Variants in MAP7 observed in about 807,000 individuals in gnomAD.
MAP7 encodes microtubule associated protein 7, also known as ensconsin.
MAP7 carries 52 observed loss-of-function variants against 94.8 expected under a neutral mutation model. The ratio of observed to expected loss-of-function variants is 0.55; its 90% CI spans 0.44 to 0.69. The LOEUF is 0.69. MAP7 is among the 30% of genes least tolerant of loss of function. The probability of loss-of-function intolerance (pLI) is 0.00; values close to 1 mark genes in which losing one functional copy is unlikely to be tolerated. For missense variants in MAP7, 940 were observed against 964.6 expected, an observed-to-expected ratio of 0.97 and a Z score of 0.34; for synonymous variants, 350 against 357.0, an observed-to-expected ratio of 0.98 and a Z score of 0.22.
At chr6:136,369,663 G>C (rs1322584012) in intron 8 of MAP7, among the ~76,000 whole-genome samples, 1 of 152,024 alleles carries the variant, frequency 6.6e-6, no homozygotes, top group East Asian at 1.9e-4. Flanking sequence ...ACCACTCAAT[G>C]AAACAAGGAC....
At chr6:136,383,895 C>G in intron 5 of MAP7, 114 bp from the exon 6 acceptor site, 3 of 664,810 alleles carry the variant, frequency 4.5e-6, no homozygotes, top group Non-Finnish European at 8.0e-6. Flanking sequence ...ATTTCTAGAT[C>G]TGTCATAATA....
At chr6:136,531,256 G>A (rs1828458671) in intron 1 of MAP7, among the ~76,000 whole-genome samples, 1 of 144,918 alleles carries the variant, frequency 6.9e-6, no homozygotes, top group South Asian at 2.1e-4. Context: ...TCCAAATGAG[G>A]GAAAGAAATC....
chr6:136,410,969 G>A (rs1351190211), intron 3 of MAP7, among the ~76,000 whole-genome samples: 1 of 152,172 alleles, frequency 6.6e-6, no homozygotes, highest in East Asian at 1.9e-4. Context: ...AGAGTATCCT[G>A]TTTTAGCAAG....
intron 2 of MAP7, among the ~76,000 whole-genome samples, chr6:136,417,511 G>A (rs1389834043): frequency 3.9e-5 from 6 of 152,138 alleles, no homozygotes; most frequent in Admixed American, 3.3e-4. Flanking sequence ...AAATACTTCT[G>A]TATTTCTGTC....
intron 1 of MAP7, among the ~76,000 whole-genome samples, chr6:136,513,162 G>A (rs1253691428): frequency 6.6e-6 from 1 of 152,134 alleles, no homozygotes; most frequent in Admixed American, 6.6e-5. Flanking sequence ...CTTAAAGTAA[G>A]ATAGCAATGA....
Position 136,365,748 on chromosome 6 carries a change from T to A in MAP7, c.1260A>T (p.Pro420=), listed in dbSNP as rs147391851. 5.6e-6 allele frequency: 9 copies of A among 1,613,574 alleles called. No individual in the cohort carries two copies. Among genetic ancestry groups the A allele is most frequent in the African/African-American group, 1.3e-5 (1 of 74,842 alleles). The part of the protein sequence containing the change: ...ATVEERTPAE[P]EVGPAAPAMA... ...GTTTGCTCTTACCAGGGCCAACTTC[T>A]GGTTCAGCAGGTGTCCGCTCTTCAA... Residue 420 remains proline, a synonymous_variant, in exon 10 of 18, where the codon CCA becomes CCT. Transcript: ENST00000354570.
At chr6:136,473,599 C>T (rs1562441335) in intron 1 of MAP7, among the ~76,000 whole-genome samples, 1 of 152,096 alleles carries the variant, frequency 6.6e-6, no homozygotes, top group East Asian at 1.9e-4. Context: ...AATATTGAAT[C>T]ATAGGGAAGC....
chr6:136,495,350 A>G (rs1468929723), intron 1 of MAP7, among the ~76,000 whole-genome samples: 2 of 152,070 alleles, frequency 1.3e-5, no homozygotes, highest in South Asian at 2.1e-4. Context: ...GGACCGTTCC[A>G]ATTTGGTCAT....
intron 1 of MAP7, among the ~76,000 whole-genome samples, chr6:136,488,033 C>T (rs1227521626): frequency 6.6e-6 from 1 of 152,156 alleles, no homozygotes; most frequent in East Asian, 1.9e-4. Flanking sequence ...ACATTATGTT[C>T]ATATTTAGCT....
intron 1 of MAP7, among the ~76,000 whole-genome samples, chr6:136,504,676 T>C (rs1820839106): frequency 4.6e-5 from 7 of 151,592 alleles, no homozygotes; most frequent in Admixed American, 4.6e-4. Flanking sequence ...TAATATAAAA[T>C]ATTTACCTTT....
chr6:136,469,422 C>A (rs1175798722), intron 1 of MAP7, among the ~76,000 whole-genome samples: 1 of 151,932 alleles, frequency 6.6e-6, no homozygotes, highest in Non-Finnish European at 1.5e-5. Context: ...CTCATTGTCA[C>A]CCAGGCTGCA....
chr6:136,398,011 C>T (rs1008948076), intron 3 of MAP7, among the ~76,000 whole-genome samples: 12 of 152,140 alleles, frequency 7.9e-5, no homozygotes, highest in South Asian at 2.1e-4. Flanking sequence ...TGGACACTAA[C>T]GAGTCAGTCC....
chr6:136,479,108 C>T (rs1337352401), intron 1 of MAP7, among the ~76,000 whole-genome samples: 1 of 151,254 alleles, frequency 6.6e-6, no homozygotes, highest in East Asian at 1.9e-4. Flanking sequence ...GCACTGATAC[C>T]AAAATCCTCA....
chr6:136,377,647 G>C lies in MAP7; in HGVS notation c.751+108C>G, dbSNP rs567013353. On this transcript the variant is annotated intron_variant, in intron 7 of 17. Coordinates refer to ENST00000354570, the MANE Select transcript of MAP7 (RefSeq NM_003980.6). ...ACCAACACCGACAGACATTTCCACCGGGGGAAGAGAGAAGCGCATTTTAGG... is the reference window on the plus strand; with the variant it reads ...ACCAACACCGACAGACATTTCCACCCGGGGAAGAGAGAAGCGCATTTTAGG... The C allele has an allele frequency of 5.2e-5, 40 of 765,812 alleles. No individual in the cohort carries two copies. The East Asian group carries it at 1.1e-3, about 21-fold the overall frequency. The allele number at this position is 765,812 out of a possible 1,614,324, so 47.4% of individuals were successfully genotyped here.
At chr6:136,406,653 TC>T (rs1366336602) in intron 3 of MAP7, among the ~76,000 whole-genome samples, 4 of 152,120 alleles carry the variant, frequency 2.6e-5, no homozygotes, top group Admixed American at 6.5e-5. Flanking sequence ...AAATCCCATC[TC>T]TACTAAAAAT....
Position 136,389,530 on chromosome 6 carries a change from TTAAAA to T in MAP7, c.245-18_245-14del, listed in dbSNP as rs766897187. 1.5e-5 allele frequency: 24 copies of T among 1,582,834 alleles called. No homozygotes were observed. In the Admixed American group the frequency reaches 1.6e-4, roughly 11 times the overall value. On this transcript the variant is annotated splice_polypyrimidine_tract_variant and intron_variant, in intron 3 of 17. Transcript: ENST00000354570. ...ATTTCTCTTGCAGCTTTGGGGAGGG[TTAAAA>T]AAAAAAAAAAAGAGGGAAATCAAAT... is the stretch of plus-strand genomic sequence containing the variant.
intron 10 of MAP7, among the ~76,000 whole-genome samples, chr6:136,363,358 C>T (rs529778016): frequency 9.2e-5 from 14 of 152,374 alleles, no homozygotes; most frequent in Admixed American, 2.0e-4. Context: ...AAGCCCCACA[C>T]TGATGCTCAC....
At chr6:136,513,915 G>A (rs899571646) in intron 1 of MAP7, among the ~76,000 whole-genome samples, 2 of 152,124 alleles carry the variant, frequency 1.3e-5, no homozygotes, top group African/African-American at 2.4e-5. Flanking sequence ...TGGTGGTGGT[G>A]GTTTTGCCCA....
chr6:136,517,791 G>A (rs1190405199), intron 1 of MAP7, among the ~76,000 whole-genome samples: 1 of 152,164 alleles, frequency 6.6e-6, no homozygotes, highest in Non-Finnish European at 1.5e-5. Context: ...TGAACGTGGT[G>A]AAACTTTCCT....
Sources: gnomAD v4.1 joint callset for allele counts (sites outside exome capture counted in the v4.1 genomes callset) on GRCh38, gnomAD v4.1.1 for gene constraint, MANE v1.5 for transcripts, NCBI Gene and HGNC (gene_info 2026-07-23, HGNC 2026-07-21) for gene names.